Variants in RBFOX1 observed in about 807,000 individuals in gnomAD.
RBFOX1 encodes the protein RNA binding protein fox-1 homolog 1.
Under a neutral mutation model 57.7 loss-of-function variants are expected in RBFOX1, and 8 were observed. The ratio of observed to expected loss-of-function variants is 0.14; its 90% CI spans 0.08 to 0.25. The LOEUF is 0.25. Ranked by LOEUF, RBFOX1 falls within the 10% of genes least tolerant of loss-of-function variation. RBFOX1 has a pLI of 1.00. For missense variants in RBFOX1, 611 were observed against 548.5 expected (o/e 1.11, Z -1.14); for synonymous variants, 326 against 222.4 (o/e 1.47, Z -4.15).
chr16:6,995,610 A>G (rs2092135469), intron 3 of RBFOX1, among the ~76,000 whole-genome samples: 2 of 152,110 alleles, frequency 1.3e-5, no homozygotes, highest in Non-Finnish European at 2.9e-5. Flanking sequence ...ACATACAAAA[A>G]TTAGCTGGAC....
chr16:7,487,504 G>T (rs1014605410), intron 4 of RBFOX1, among the ~76,000 whole-genome samples: 2 of 152,180 alleles, frequency 1.3e-5, no homozygotes, highest in African/African-American at 4.8e-5. Flanking sequence ...TATTAGTTGA[G>T]TAAATGCATG....
At chr16:7,590,168 G>T (rs921044113) in intron 7 of RBFOX1, among the ~76,000 whole-genome samples, 2 of 152,082 alleles carry the variant, frequency 1.3e-5, no homozygotes, top group African/African-American at 4.8e-5. Flanking sequence ...TTGGGAGGCT[G>T]AGGCAGGAGG....
At chr16:6,823,215 C>G (rs2091608157) in intron 3 of RBFOX1, among the ~76,000 whole-genome samples, 1 of 151,928 alleles carries the variant, frequency 6.6e-6, no homozygotes, top group Non-Finnish European at 1.5e-5. Context: ...TTCTACTTCA[C>G]TGACCTCTTG....
intron 1 of RBFOX1, among the ~76,000 whole-genome samples, chr16:5,406,284 T>C (rs1383920910): frequency 6.6e-6 from 1 of 152,122 alleles, no homozygotes; most frequent in Non-Finnish European, 1.5e-5. Flanking sequence ...CAGATGGCTG[T>C]ACTCTACCCC....
chr16:7,153,858 G>C (rs1319030310), intron 4 of RBFOX1, among the ~76,000 whole-genome samples: 1 of 151,972 alleles, frequency 6.6e-6, no homozygotes, highest in Non-Finnish European at 1.5e-5. Flanking sequence ...AGATGTTTTT[G>C]TTCTTGATAC....
intron 3 of RBFOX1, among the ~76,000 whole-genome samples, chr16:6,724,658 C>A (rs763313401): frequency 5.9e-5 from 9 of 152,012 alleles, no homozygotes; most frequent in Non-Finnish European, 1.0e-4. Context: ...TATAGCAGCC[C>A]GAATAGACTA....
chr16:7,354,924 C>G (rs1353670987), intron 4 of RBFOX1, among the ~76,000 whole-genome samples: 1 of 152,178 alleles, frequency 6.6e-6, no homozygotes, highest in Non-Finnish European at 1.5e-5. Context: ...ATCTTGTGGT[C>G]TCTTTGCTCT....
At chr16:7,047,219 A>G (rs1374127911) in intron 3 of RBFOX1, among the ~76,000 whole-genome samples, 1 of 152,028 alleles carries the variant, frequency 6.6e-6, no homozygotes, top group Admixed American at 6.6e-5. Context: ...AACTTCCTAT[A>G]GCGATTATTT....
chr16:5,823,409 T>C (rs1324517471), intron 3 of RBFOX1, among the ~76,000 whole-genome samples: 1 of 152,166 alleles, frequency 6.6e-6, no homozygotes, highest in Non-Finnish European at 1.5e-5. Context: ...CAACATAGCA[T>C]GTGAAGTGTT....
At chr16:6,896,654 C>T (rs1285153023) in intron 3 of RBFOX1, among the ~76,000 whole-genome samples, 1 of 152,118 alleles carries the variant, frequency 6.6e-6, no homozygotes, top group Non-Finnish European at 1.5e-5. Flanking sequence ...TAGAACAGTG[C>T]TTGGGCATCA....
chr16:5,728,631 C>G (rs532296135), intron 3 of RBFOX1, among the ~76,000 whole-genome samples: 16 of 152,300 alleles, frequency 1.1e-4, no homozygotes, highest in Non-Finnish European at 1.8e-4. Context: ...ACATGTGAGC[C>G]CTCTGGGTTC....
intron 4 of RBFOX1, among the ~76,000 whole-genome samples, chr16:7,112,423 G>T (rs111851805): frequency 6.7e-6 from 1 of 148,224 alleles, no homozygotes; most frequent in Non-Finnish European, 1.5e-5. Flanking sequence ...ATGTTGGCCA[G>T]GCTGAACTCC....
At chr16:5,333,484 A>G (rs917590499) in intron 1 of RBFOX1, among the ~76,000 whole-genome samples, 5 of 152,234 alleles carry the variant, frequency 3.3e-5, no homozygotes, top group African/African-American at 9.6e-5. Flanking sequence ...TATATACACA[A>G]TGAAAAAGCT....
At chr16:7,244,998 A>C (rs1476312255) in intron 4 of RBFOX1, among the ~76,000 whole-genome samples, 1 of 152,212 alleles carries the variant, frequency 6.6e-6, no homozygotes, top group African/African-American at 2.4e-5. Context: ...TTCACAGTGC[A>C]GCTGCTCCTC....
intron 3 of RBFOX1, among the ~76,000 whole-genome samples, chr16:6,813,023 A>G (rs1479362720): frequency 1.3e-5 from 2 of 152,164 alleles, no homozygotes; most frequent in Admixed American, 1.3e-4. Context: ...ACTTTATTTC[A>G]CAAAAGACCT....
chr16:7,439,575 G>C (rs1287922630), intron 4 of RBFOX1, among the ~76,000 whole-genome samples: 2 of 152,282 alleles, frequency 1.3e-5, no homozygotes, highest in East Asian at 3.9e-4. Context: ...AACGAGGAGA[G>C]CATTTAATCC....
In RBFOX1 at chr16:6,097,519, C is replaced by G. The variant is rs534434268; in HGVS notation, c.-127+77527C>G. Among the ~76,000 whole-genome samples, 2 of 152,162 alleles carry G rather than the reference C, an allele frequency of 1.3e-5. No individual in the cohort carries two copies. Among genetic ancestry groups the G allele is most frequent in the Non-Finnish European group, 2.9e-5 (2 of 68,040 alleles). Reference sequence around the variant, plus strand: ...AGGAACCAGCAATCTGTGCTTTCAACAAGCTCTCTGAGTGCTTCTTCTGAA... The same window carrying G: ...AGGAACCAGCAATCTGTGCTTTCAAGAAGCTCTCTGAGTGCTTCTTCTGAA... On this transcript the variant is annotated intron_variant, in intron 1 of 15. Transcript: ENST00000550418. The surrounding 1 kb of genome is among the most constrained non-coding windows in gnomAD (Gnocchi z 5.0).
rs146731436 is a variant in RBFOX1, at chr16:7,252,482, G to A, written c.27+200384G>A. Among the ~76,000 whole-genome samples the A allele has an allele frequency of 4.8e-3, 726 of 152,306 alleles. 4 individuals are homozygous for A. The highest frequency in any genetic ancestry group is 7.0e-3 in the Non-Finnish European group (478 of 68,040). On this transcript the variant is annotated intron_variant, in intron 4 of 15. Coordinates refer to ENST00000550418, the MANE Select transcript of RBFOX1 (RefSeq NM_018723.4). ...GTTGGAATTCATCGTCAGCACTGAA[G>A]TATCTGGAAATTTTGCACAGATCTT... is the stretch of plus-strand genomic sequence containing the variant.
At chr16:7,114,487 C>A (rs138769762) in intron 4 of RBFOX1, among the ~76,000 whole-genome samples, 80 of 152,270 alleles carry the variant, frequency 5.3e-4, no homozygotes, top group African/African-American at 1.9e-3. Flanking sequence ...TTTTAAGAAG[C>A]ACTCAAGCAC....
Sources: gnomAD v4.1 joint callset for allele counts (sites outside exome capture counted in the v4.1 genomes callset) on GRCh38, gnomAD v4.1.1 for gene constraint, Gnocchi (gnomAD v3.1) non-coding constraint, MANE v1.5 for transcripts, NCBI Gene and HGNC (gene_info 2026-07-23, HGNC 2026-07-21) for gene names.